The following PDE4B variants were observed in gnomAD, a reference collection of about 807,000 sequenced individuals.
PDE4B encodes 3',5'-cyclic-AMP phosphodiesterase 4B.
A neutral mutation model predicts 82.2 loss-of-function variants in PDE4B; 20 were observed. That is an observed-to-expected ratio of 0.24 (90% CI 0.17 to 0.35). PDE4B has a LOEUF of 0.35. Ranked by LOEUF, PDE4B falls within the 10% of genes least tolerant of loss-of-function variation. PDE4B has a pLI of 1.00. For synonymous variants in PDE4B, 320 were observed against 318.9 expected, an observed-to-expected ratio of 1.00 and a Z score of -0.04; for missense variants, 655 against 907.2, an observed-to-expected ratio of 0.72 and a Z score of 3.57.
At chr1:66,183,420 G>A (rs1048420609) in intron 3 of PDE4B, among the ~76,000 whole-genome samples, 1 of 152,076 alleles carries the variant, frequency 6.6e-6, no homozygotes. Context: ...TTTTTCATCT[G>A]CTGGGCAATT....
chr1:66,180,263 T>G (rs1226211767), intron 3 of PDE4B, among the ~76,000 whole-genome samples: 8 of 152,062 alleles, frequency 5.3e-5, no homozygotes, highest in Non-Finnish European at 1.2e-4. Context: ...TGTGAACATG[T>G]GAAACAACAC....
chr1:65,861,946 T>G lies in PDE4B; in HGVS notation c.-70-51299T>G, dbSNP rs187205109. ...GTTGCTTATCAGCTTAAGGAGTTTT[T>G]GGGCTGAAATGATGGGTTTTCTAAA... On this transcript the variant is annotated intron_variant, in intron 1 of 16. Coordinates refer to ENST00000341517, the MANE Select transcript of PDE4B (RefSeq NM_002600.4). Among the ~76,000 whole-genome samples, 461 of 152,284 alleles carry G rather than the reference T, an allele frequency of 3.0e-3. 4 individuals carry two copies. The highest frequency in any genetic ancestry group is 0.01 in the African/African-American group (434 of 41,560).
At chr1:66,202,501 G>A (rs36148827) in intron 3 of PDE4B, among the ~76,000 whole-genome samples, 75,488 of 151,866 alleles carry the variant, frequency 0.5, 19,652 homozygotes, top group South Asian at 0.63. Flanking sequence ...TGTAGGTCAC[G>A]CAGGACTTGC....
chr1:65,864,166 G>C (rs1646484670), intron 1 of PDE4B, among the ~76,000 whole-genome samples: 2 of 151,550 alleles, frequency 1.3e-5, no homozygotes, highest in South Asian at 2.1e-4. Flanking sequence ...ATTGATACTT[G>C]TGTATGCTTC....
In PDE4B at chr1:66,012,755, A is replaced by G. The variant is rs534921348; in HGVS notation, c.281+93920A>G. ...ATCTCCTTTTGCCATGTTAAATAAT[A>G]GGTTCTAGGGCACAATTTGAGCAAA... On this transcript the variant is annotated intron_variant, in intron 3 of 16. Coordinates refer to ENST00000341517, the MANE Select transcript of PDE4B (RefSeq NM_002600.4). Among the ~76,000 whole-genome samples the G allele has an allele frequency of 7.2e-5, 11 of 152,284 alleles. No individual in the cohort carries two copies. In the East Asian group the frequency reaches 7.7e-4, roughly 11 times the overall value.
At chr1:66,340,453 T>C in intron 8 of PDE4B, among the ~76,000 whole-genome samples, 1 of 152,208 alleles carries the variant, frequency 6.6e-6, no homozygotes, top group African/African-American at 2.4e-5. Context: ...TTTTTCCTTC[T>C]GCTAATTAAT....
At chr1:66,115,127 T>C (rs1196769196) in intron 3 of PDE4B, among the ~76,000 whole-genome samples, 1 of 152,186 alleles carries the variant, frequency 6.6e-6, no homozygotes, top group Non-Finnish European at 1.5e-5. Flanking sequence ...CCATTGGTAA[T>C]ATAATATTAA....
At chr1:66,051,100 T>G (rs1047091675) in intron 3 of PDE4B, among the ~76,000 whole-genome samples, 1 of 152,158 alleles carries the variant, frequency 6.6e-6, no homozygotes, top group African/African-American at 2.4e-5. Flanking sequence ...AGTATGTTTT[T>G]GCCTTTGGAA....
At chr1:65,994,753 C>T (rs1375494935) in intron 3 of PDE4B, among the ~76,000 whole-genome samples, 3 of 151,962 alleles carry the variant, frequency 2.0e-5, no homozygotes, top group Non-Finnish European at 4.4e-5. Flanking sequence ...TTTTAGATAG[C>T]TAATTTTTAG....
intron 3 of PDE4B, among the ~76,000 whole-genome samples, chr1:65,928,846 C>T (rs979979554): frequency 2.6e-5 from 4 of 152,148 alleles, no homozygotes; most frequent in Admixed American, 2.6e-4. Flanking sequence ...TTTCAGCTAA[C>T]CAAGCAAATA....
In PDE4B at chr1:65,892,976, A is replaced by C. The variant is rs375647015; in HGVS notation, c.-70-20269A>C. On this transcript the variant is annotated intron_variant, in intron 1 of 16. Transcript: ENST00000341517. ...AATAAATAAATAAATAAACATTACCATGAAAGTAAAGCTTGAAAATAAAAT... is the reference window on the plus strand; with the variant it reads ...AATAAATAAATAAATAAACATTACCCTGAAAGTAAAGCTTGAAAATAAAAT... Among the ~76,000 whole-genome samples, 267 of 152,268 alleles carry C rather than the reference A, an allele frequency of 1.8e-3. 2 individuals carry two copies. The highest frequency in any genetic ancestry group is 6.1e-3 in the African/African-American group (253 of 41,572).
At chr1:65,887,251 C>CTTTCT (rs1646795163) in intron 1 of PDE4B, among the ~76,000 whole-genome samples, 1 of 27,928 alleles carries the variant, frequency 3.6e-5, no homozygotes, top group Non-Finnish European at 7.3e-5. Flanking sequence ...TCTTTCTTTT[C>CTTTCT]TTTCTTTCTT....
intron 3 of PDE4B, among the ~76,000 whole-genome samples, chr1:65,932,328 G>A (rs143164147): frequency 1.4e-4 from 22 of 152,102 alleles, no homozygotes; most frequent in South Asian, 6.2e-4. Flanking sequence ...CTTTTCTGGG[G>A]GCTACTTGAG....
intron 1 of PDE4B, among the ~76,000 whole-genome samples, chr1:65,910,755 C>T (rs1647080915): frequency 2.6e-5 from 4 of 152,272 alleles, no homozygotes; most frequent in Middle Eastern, 3.4e-3. Flanking sequence ...CCCCTCTTTC[C>T]TCCTGCCTTC....
chr1:65,954,152 C>T (rs997445642), intron 3 of PDE4B, among the ~76,000 whole-genome samples: 1 of 152,134 alleles, frequency 6.6e-6, no homozygotes, highest in Non-Finnish European at 1.5e-5. Flanking sequence ...CTGCCTTGGC[C>T]TCCCAAAAAG....
chr1:65,804,922 C>T (rs1038920381), intron 1 of PDE4B, among the ~76,000 whole-genome samples: 2 of 130,328 alleles, frequency 1.5e-5, no homozygotes, highest in African/African-American at 3.0e-5. Flanking sequence ...AATTGATACA[C>T]AATATGTTAA....
intron 3 of PDE4B, among the ~76,000 whole-genome samples, chr1:66,147,055 G>T (rs891481494): frequency 1.3e-5 from 2 of 152,162 alleles, no homozygotes; most frequent in Admixed American, 1.3e-4. Context: ...CTTCAAATAG[G>T]TTGACAGCAT....
intron 6 of PDE4B, among the ~76,000 whole-genome samples, chr1:66,263,844 G>C (rs947089274): frequency 6.6e-6 from 1 of 152,190 alleles, no homozygotes; most frequent in Admixed American, 6.5e-5. Flanking sequence ...ACAGGGGAAT[G>C]AATGGCCTGA....
At chr1:66,108,350 A>G (rs1013813941) in intron 3 of PDE4B, among the ~76,000 whole-genome samples, 2 of 152,020 alleles carry the variant, frequency 1.3e-5, no homozygotes, top group Non-Finnish European at 2.9e-5. Context: ...TGAAACTACT[A>G]GAAGAAAACA....
Sources: gnomAD v4.1 joint callset for allele counts (sites outside exome capture counted in the v4.1 genomes callset) on GRCh38, gnomAD v4.1.1 for gene constraint, MANE v1.5 for transcripts, NCBI Gene and HGNC (gene_info 2026-07-23, HGNC 2026-07-21) for gene names.